MAPKAP1: variants seen among roughly 807,000 people sequenced by gnomAD.
MAPKAP1 encodes the protein target of rapamycin complex 2 subunit MAPKAP1.
MAPKAP1 carries 20 observed loss-of-function variants against 65.7 expected under a neutral mutation model. The observed-to-expected ratio is 0.30, with a 90% CI of 0.21 to 0.44. The LOEUF (loss-of-function observed/expected upper bound fraction) is 0.44, where lower values mean the gene tolerates loss of function less well. Ranked by LOEUF, MAPKAP1 falls within the 20% of genes least tolerant of loss-of-function variation. MAPKAP1 has a pLI of 1.00. For synonymous variants in MAPKAP1, 222 were observed against 244.3 expected (o/e 0.91, Z 0.85); for missense variants, 423 against 648.0 (o/e 0.65, Z 3.77).
intron 9 of MAPKAP1, among the ~76,000 whole-genome samples, chr9:125,470,372 T>A (rs1853860817): frequency 1.3e-5 from 2 of 152,190 alleles, no homozygotes; most frequent in Non-Finnish European, 2.9e-5. Flanking sequence ...CTGGGTCCAT[T>A]TAGCAGAGGG....
chr9:125,598,656 AATTT>A (rs1445958578), intron 4 of MAPKAP1, among the ~76,000 whole-genome samples: 1 of 152,192 alleles, frequency 6.6e-6, no homozygotes, highest in African/African-American at 2.4e-5. Flanking sequence ...GTGCCTGGAC[AATTT>A]ATTTAAGCTC....
chr9:125,487,654 A>G (rs557163942), intron 8 of MAPKAP1, among the ~76,000 whole-genome samples: 2 of 151,722 alleles, frequency 1.3e-5, no homozygotes, highest in East Asian at 3.9e-4. Context: ...AGATTTTTAC[A>G]TTTTATGATG....
intron 10 of MAPKAP1, among the ~76,000 whole-genome samples, chr9:125,457,474 T>C (rs1853228362): frequency 6.6e-6 from 1 of 152,248 alleles, no homozygotes; most frequent in Admixed American, 6.5e-5. Context: ...GGTTCTATTT[T>C]ATTGATTGAT....
intron 6 of MAPKAP1, among the ~76,000 whole-genome samples, chr9:125,550,429 C>G (rs1317567330): frequency 2.0e-5 from 3 of 152,156 alleles, no homozygotes; most frequent in Non-Finnish European, 2.9e-5. Flanking sequence ...TTTGAAGACA[C>G]ATATTAACTA....
chr9:125,617,341 G>A (rs1036356910), intron 4 of MAPKAP1, among the ~76,000 whole-genome samples: 6 of 152,104 alleles, frequency 3.9e-5, no homozygotes, highest in South Asian at 4.1e-4. Flanking sequence ...AGTGCCTAGC[G>A]TCCTAGCTAC....
At chr9:125,689,452 A>C (rs1168070129) in intron 1 of MAPKAP1, among the ~76,000 whole-genome samples, 11 of 141,456 alleles carry the variant, frequency 7.8e-5, no homozygotes, top group Non-Finnish European at 1.2e-4. Flanking sequence ...AAAAAAAAAA[A>C]AAAAAAAAAA....
chr9:125,689,093 A>G (rs959108408), intron 1 of MAPKAP1, among the ~76,000 whole-genome samples: 1 of 152,152 alleles, frequency 6.6e-6, no homozygotes, highest in African/African-American at 2.4e-5. Context: ...TATTCCCAAG[A>G]GGCTTACAGT....
At chr9:125,528,993 C>G (rs1189264623) in intron 7 of MAPKAP1, among the ~76,000 whole-genome samples, 2 of 151,174 alleles carry the variant, frequency 1.3e-5, no homozygotes, top group Non-Finnish European at 2.9e-5. Flanking sequence ...GGCGAAAACC[C>G]CTGTCTAAAA....
At chr9:125,452,952 AT>A (rs1853011186) in intron 10 of MAPKAP1, among the ~76,000 whole-genome samples, 1 of 152,198 alleles carries the variant, frequency 6.6e-6, no homozygotes, top group Non-Finnish European at 1.5e-5. Flanking sequence ...AAATTAAAAA[AT>A]ATATATTAAC....
In MAPKAP1 at chr9:125,631,489, T is replaced by C. The variant is rs62567166; in HGVS notation, c.498+26162A>G. On this transcript the variant is annotated intron_variant, in intron 4 of 11. Transcript: ENST00000265960. Reference sequence around the variant, plus strand: ...TATGCCCCACCCGGTTCCTAGTCTCTACCACCTCCTTGTGGCACTTGTCTG... The same window carrying C: ...TATGCCCCACCCGGTTCCTAGTCTCCACCACCTCCTTGTGGCACTTGTCTG... Among the ~76,000 whole-genome samples, 469 of 152,340 alleles carry C rather than the reference T, an allele frequency of 3.1e-3. 2 individuals carry two copies. The highest frequency in any genetic ancestry group is 0.01 in the Middle Eastern group (3 of 294).
At chr9:125,631,281 T>C (rs948801698) in intron 4 of MAPKAP1, among the ~76,000 whole-genome samples, 3 of 152,202 alleles carry the variant, frequency 2.0e-5, no homozygotes, top group Non-Finnish European at 4.4e-5. Context: ...AAAAACCTTT[T>C]TGTTTTATAA....
chr9:125,548,751 C>A (rs1830500277), intron 6 of MAPKAP1, among the ~76,000 whole-genome samples: 1 of 151,966 alleles, frequency 6.6e-6, no homozygotes, highest in Non-Finnish European at 1.5e-5. Flanking sequence ...TTCATATGTA[C>A]AATGAAGTAA....
chr9:125,608,174 G>A (rs1167843684), intron 4 of MAPKAP1, among the ~76,000 whole-genome samples: 1 of 152,194 alleles, frequency 6.6e-6, no homozygotes, highest in Non-Finnish European at 1.5e-5. Flanking sequence ...GACATGCTTC[G>A]AAGTTTCCAG....
chr9:125,511,911 A>G (rs938057648), intron 7 of MAPKAP1, among the ~76,000 whole-genome samples: 4 of 152,208 alleles, frequency 2.6e-5, no homozygotes, highest in Non-Finnish European at 4.4e-5. Context: ...GGGCATTCCA[A>G]TGATGTATTT....
chr9:125,559,865 A>G, intron 5 of MAPKAP1, 56 bp from the exon 6 acceptor site: 1 of 1,543,396 alleles, frequency 6.5e-7, no homozygotes, highest in South Asian at 1.2e-5. Flanking sequence ...GGACAAGAAG[A>G]CCAGAGGGTA....
intron 4 of MAPKAP1, among the ~76,000 whole-genome samples, chr9:125,587,646 C>T (rs565876358): frequency 3.3e-5 from 5 of 152,108 alleles, no homozygotes; most frequent in Admixed American, 6.5e-5. Flanking sequence ...ATCAAAAGAA[C>T]GGGAGAAAAT....
At chr9:125,512,796 G>A (rs1322959047) in intron 7 of MAPKAP1, 1 of 152,178 alleles carries the variant, frequency 6.6e-6, no homozygotes, top group African/African-American at 2.4e-5. Flanking sequence ...TGTTAGCCAG[G>A]ATGGTCTCGA....
At chr9:125,601,350 T>C (rs929733983) in intron 4 of MAPKAP1, among the ~76,000 whole-genome samples, 1 of 134,460 alleles carries the variant, frequency 7.4e-6, no homozygotes, top group African/African-American at 2.6e-5. Flanking sequence ...AGGGTTTCAG[T>C]CAATTAAACA....
intron 5 of MAPKAP1, 143 bp from the exon 6 acceptor site, chr9:125,559,952 C>T: frequency 1.3e-6 from 1 of 742,300 alleles, no homozygotes; most frequent in Non-Finnish European, 2.1e-6. Flanking sequence ...ATCCCAAATC[C>T]TACTTCATTT....
Sources: gnomAD v4.1 joint callset for allele counts (sites outside exome capture counted in the v4.1 genomes callset) on GRCh38, gnomAD v4.1.1 for gene constraint, MANE v1.5 for transcripts, NCBI Gene and HGNC (gene_info 2026-07-23, HGNC 2026-07-21) for gene names.